PTPRD: variants seen among roughly 807,000 people sequenced by gnomAD.
PTPRD encodes the protein protein tyrosine phosphatase receptor type D.
PTPRD carries 34 observed loss-of-function variants against 214.5 expected under a neutral mutation model. The ratio of observed to expected loss-of-function variants is 0.16; its 90% CI spans 0.12 to 0.21. The LOEUF (loss-of-function observed/expected upper bound fraction) is 0.21, where lower values mean the gene tolerates loss of function less well. Among genes scored for constraint, PTPRD ranks in the 10% least tolerant of loss-of-function variants. The pLI is 1.00. For synonymous variants in PTPRD, 1,128 were observed against 845.7 expected, an observed-to-expected ratio of 1.33 and a Z score of -5.79; for missense variants, 2,545 against 2,398.7, an observed-to-expected ratio of 1.06 and a Z score of -1.27.
intron 14 of PTPRD, among the ~76,000 whole-genome samples, chr9:8,559,366 C>G (rs1179809827): frequency 1.3e-5 from 2 of 152,166 alleles, no homozygotes; most frequent in Admixed American, 1.3e-4. Flanking sequence ...ATATACCTCT[C>G]AAATATGAAC....
intron 4 of PTPRD, among the ~76,000 whole-genome samples, chr9:9,947,235 G>A (rs1271251458): frequency 3.8e-5 from 5 of 132,396 alleles, no homozygotes; most frequent in African/African-American, 1.4e-4. Flanking sequence ...GGAATATAAT[G>A]GTACATTTTA....
intron 10 of PTPRD, among the ~76,000 whole-genome samples, chr9:9,179,193 A>T (rs1454170695): frequency 6.6e-6 from 1 of 152,136 alleles, no homozygotes; most frequent in Non-Finnish European, 1.5e-5. Context: ...ACCTACTTAC[A>T]TGAAAATATT....
At chr9:10,210,351 T>C (rs1349254769) in intron 3 of PTPRD, among the ~76,000 whole-genome samples, 1 of 152,114 alleles carries the variant, frequency 6.6e-6, no homozygotes, top group East Asian at 1.9e-4. Context: ...GATAATAGTA[T>C]GAAAACACAA....
chr9:9,011,095 T>C (rs1273649372), intron 11 of PTPRD, among the ~76,000 whole-genome samples: 1 of 152,098 alleles, frequency 6.6e-6, no homozygotes, highest in African/African-American at 2.4e-5. Context: ...AGAGACTGTG[T>C]CTCCTAAGTA....
At chr9:9,158,076 C>G (rs1237874220) in intron 10 of PTPRD, among the ~76,000 whole-genome samples, 2 of 152,110 alleles carry the variant, frequency 1.3e-5, no homozygotes, top group Non-Finnish European at 2.9e-5. Context: ...GCATAGTATT[C>G]CATGGTATAT....
chr9:9,258,855 G>A (rs1250766261), intron 9 of PTPRD, among the ~76,000 whole-genome samples: 1 of 151,970 alleles, frequency 6.6e-6, no homozygotes, highest in Non-Finnish European at 1.5e-5. Flanking sequence ...AATTTTGTGT[G>A]TAAATCAATT....
chr9:8,757,155 T>C (rs1369681419), intron 11 of PTPRD, among the ~76,000 whole-genome samples: 1 of 151,060 alleles, frequency 6.6e-6, no homozygotes, highest in African/African-American at 2.5e-5. Flanking sequence ...ATAATAATAA[T>C]CTATGAATAA....
chr9:10,092,378 T>C lies in PTPRD; in HGVS notation c.-544-58588A>G, dbSNP rs148812732. The stretch of plus-strand genomic sequence containing the variant: ...TGACAGAACATTGTAGACCAATCCA[T>C]TAATTATACAGCTGCCCCCAAACAC... On this transcript the variant is annotated intron_variant, in intron 3 of 45. Transcript: ENST00000381196. Among the ~76,000 whole-genome samples the C allele has an allele frequency of 9.4e-3, 1,421 of 151,522 alleles. 15 individuals carry two copies. The highest frequency in any genetic ancestry group is 0.014 in the Non-Finnish European group (927 of 67,600).
At chr9:9,989,083 T>TG (rs1197545260) in intron 4 of PTPRD, among the ~76,000 whole-genome samples, 1 of 147,430 alleles carries the variant, frequency 6.8e-6, no homozygotes, top group Non-Finnish European at 1.5e-5. Context: ...AGAGTTGCTC[T>TG]GGGGAGGAGT....
chr9:8,793,345 A>G lies in PTPRD; in HGVS notation c.-103-59399T>C, dbSNP rs1055893087. 2.0e-5 allele frequency among the ~76,000 whole-genome samples: 3 copies of G among 152,126 alleles called. No individual in the cohort carries two copies. The South Asian group carries it at 6.2e-4, about 32-fold the overall frequency. On this transcript the variant is annotated intron_variant, in intron 11 of 45. Coordinates refer to ENST00000381196, the MANE Select transcript of PTPRD (RefSeq NM_002839.4). The stretch of plus-strand genomic sequence containing the variant: ...AGGAATTGAGGGTTCCTTGGTCCAA[A>G]ATGGAAGTAAGAATGCTTGTCAACA...
intron 3 of PTPRD, among the ~76,000 whole-genome samples, chr9:10,179,034 T>C (rs2099266457): frequency 6.6e-6 from 1 of 151,790 alleles, no homozygotes; most frequent in Admixed American, 6.6e-5. Flanking sequence ...ATAAGAGAGA[T>C]TAAAAATAAT....
At chr9:9,915,477 A>T (rs1389262699) in intron 5 of PTPRD, among the ~76,000 whole-genome samples, 1 of 152,044 alleles carries the variant, frequency 6.6e-6, no homozygotes, top group Admixed American at 6.5e-5. Context: ...TAAACAATTC[A>T]AGAACATCAG....
At chr9:8,830,214 GGGAGAGCCTGA>G (rs1209884990) in intron 11 of PTPRD, among the ~76,000 whole-genome samples, 1 of 152,062 alleles carries the variant, frequency 6.6e-6, no homozygotes, top group Non-Finnish European at 1.5e-5. Context: ...AGCTTACAAG[GGGAGAGCCTGA>G]GGTATTAACT....
chr9:9,115,708 A>G (rs1364678222), intron 10 of PTPRD, among the ~76,000 whole-genome samples: 1 of 152,152 alleles, frequency 6.6e-6, no homozygotes, highest in African/African-American at 2.4e-5. Flanking sequence ...ATTCAGTTTT[A>G]AAGACACAGA....
At chr9:8,851,835 G>A (rs2097821944) in intron 11 of PTPRD, among the ~76,000 whole-genome samples, 1 of 151,750 alleles carries the variant, frequency 6.6e-6, no homozygotes, top group Non-Finnish European at 1.5e-5. Flanking sequence ...GCAGAACTGA[G>A]GCATAAATTT....
rs141524934 is a variant in PTPRD at position 8,745,313 on chromosome 9, C to T, written c.-103-11367G>A. ...ATCTACTTTTACTATCTCTGACTTA[C>T]TGCAACAGAAATAGATAGCTGAGGC... is the stretch of plus-strand genomic sequence containing the variant. On this transcript the variant is annotated intron_variant, in intron 11 of 45. Transcript: ENST00000381196. 7.5e-3 allele frequency among the ~76,000 whole-genome samples: 1,137 copies of T among 152,278 alleles called. 7 individuals are homozygous for T. Among genetic ancestry groups the T allele is most frequent in the Admixed American group, 0.014 (207 of 15,296 alleles).
At chr9:8,439,001 T>C (rs373180914) in intron 34 of PTPRD, among the ~76,000 whole-genome samples, 39 of 152,218 alleles carry the variant, frequency 2.6e-4, no homozygotes, top group African/African-American at 8.4e-4. Context: ...CATTGAGTCA[T>C]TATATTCCAC....
chr9:10,585,391 A>T (rs1164853098), intron 2 of PTPRD, among the ~76,000 whole-genome samples: 1 of 152,062 alleles, frequency 6.6e-6, no homozygotes, highest in Middle Eastern at 3.2e-3. Context: ...ACATCTCATT[A>T]GGAGATAGCC....
At chr9:10,280,502 T>G (rs1199420988) in intron 3 of PTPRD, among the ~76,000 whole-genome samples, 1 of 152,146 alleles carries the variant, frequency 6.6e-6, no homozygotes, top group African/African-American at 2.4e-5. Flanking sequence ...AAATAAATGT[T>G]TGTGATTCTC....
Sources: allele counts gnomAD v4.1 joint callset (sites outside exome capture counted in the v4.1 genomes callset), GRCh38; gene constraint gnomAD v4.1.1; transcripts MANE v1.5; gene names NCBI Gene and HGNC (gene_info 2026-07-23, HGNC 2026-07-21).